ARHGEF9: variants seen among roughly 807,000 people sequenced by gnomAD.
ARHGEF9 encodes rho guanine nucleotide exchange factor 9.
Under a neutral mutation model 41.3 loss-of-function variants are expected in ARHGEF9, and 2 were observed. The ratio of observed to expected loss-of-function variants is 0.05; its 90% CI spans 0.02 to 0.15. The LOEUF (loss-of-function observed/expected upper bound fraction) is 0.15. ARHGEF9 is among the 10% of genes least tolerant of loss of function. ARHGEF9 has a pLI of 1.00. For synonymous variants in ARHGEF9, 160 were observed against 154.4 expected (o/e 1.04, Z -0.27); for missense variants, 225 against 424.7 (o/e 0.53, Z 4.13).
At chrX:63,679,318 A>G (rs1319289542) in intron 4 of ARHGEF9, among the ~76,000 whole-genome samples, 1 of 111,630 alleles carries the variant, frequency 9.0e-6, no homozygotes, top group Non-Finnish European at 1.9e-5. Flanking sequence ...CAACCTTTCC[A>G]TAAGTTTGAA....
At chrX:63,762,194 A>G (rs1394970785) in intron 1 of ARHGEF9, among the ~76,000 whole-genome samples, 1 of 111,939 alleles carries the variant, frequency 8.9e-6, no homozygotes, top group East Asian at 2.8e-4. Context: ...TTTGTTTACA[A>G]GCTTTATTTG....
chrX:63,674,869 T>C (rs1475920805), intron 5 of ARHGEF9, among the ~76,000 whole-genome samples: 1 of 111,633 alleles, frequency 9.0e-6, no homozygotes, highest in Non-Finnish European at 1.9e-5. Context: ...AGTGATTTCC[T>C]TGAAATGCAT....
rs782329595 is a variant in ARHGEF9, at chrX:63,770,861, A to G, written c.30+14255T>C. 4.4e-5 allele frequency among the ~76,000 whole-genome samples: 5 copies of G among 112,409 alleles called. No homozygotes were observed. The East Asian group carries it at 1.4e-3, about 31-fold the overall frequency. ...AACTTGCTCCTCCTTGCCTTCTGCC[A>G]TAATTGTGAGGCTTCCCCAGGCATG... On this transcript the variant is annotated intron_variant, in intron 1 of 9. Transcript: ENST00000671741.
chrX:63,754,530 G>A, intron 1 of ARHGEF9: 5 of 1,093,051 alleles, frequency 4.6e-6, no homozygotes, highest in Non-Finnish European at 5.9e-6. Flanking sequence ...TGACAAGCAG[G>A]AGGACTACAA....
At chrX:63,638,703 C>T in intron 9 of ARHGEF9, 1 of 301,146 alleles carries the variant, frequency 3.3e-6, no homozygotes, top group Admixed American at 5.7e-5. Context: ...CTATTGACTT[C>T]AGGACAGGTT....
intron 1 of ARHGEF9, among the ~76,000 whole-genome samples, chrX:63,736,209 C>A (rs183725259): frequency 2.7e-5 from 3 of 111,724 alleles, no homozygotes; most frequent in Non-Finnish European, 3.8e-5. Context: ...ATCAGACACA[C>A]CCTCAAAGCT....
intron 2 of ARHGEF9, among the ~76,000 whole-genome samples, chrX:63,720,378 C>T (rs2053569954): frequency 8.9e-6 from 1 of 111,984 alleles, no homozygotes; most frequent in Non-Finnish European, 1.9e-5. Flanking sequence ...TGGACAACCA[C>T]AGCCCTCAAC....
In ARHGEF9 at chrX:63,733,684, T is replaced by C. The variant is rs782740523; in HGVS notation, c.31-8973A>G. 6.2e-5 allele frequency among the ~76,000 whole-genome samples: 7 copies of C among 112,180 alleles called. No individual in the cohort carries two copies. The East Asian group carries it at 1.4e-3, about 22-fold the overall frequency. ...TGTGTGATTTGTGAGTCATTACACA[T>C]CAGTTTCCTTCAATATCCCATTATA... On this transcript the variant is annotated intron_variant, in intron 1 of 9. Transcript: ENST00000671741.
chrX:63,715,825 G>T (rs187261614), intron 2 of ARHGEF9, among the ~76,000 whole-genome samples: 303 of 112,123 alleles, frequency 2.7e-3, no homozygotes, highest in African/African-American at 9.4e-3. Flanking sequence ...ACTGAGAGGA[G>T]AGAGGAGTGA....
rs140099807 is a variant in ARHGEF9, at chrX:63,703,480, C to T, written c.402+2778G>A. On this transcript the variant is annotated intron_variant, in intron 3 of 9. Coordinates refer to ENST00000671741, the MANE Select transcript of ARHGEF9 (RefSeq NM_001353921.2). ...AGGAATAACAATAACAACTTTTGTC[C>T]TGTTTGAAGATCAAATGACATATGA... is the stretch of plus-strand genomic sequence containing the variant. Among the ~76,000 whole-genome samples the T allele has an allele frequency of 7.2e-4, 81 of 112,322 alleles. No individual in the cohort carries two copies. The East Asian group carries it at 0.022, about 30-fold the overall frequency.
intron 3 of ARHGEF9, among the ~76,000 whole-genome samples, chrX:63,698,270 G>A (rs1184287896): frequency 1.8e-5 from 2 of 109,470 alleles, no homozygotes; most frequent in Non-Finnish European, 3.8e-5. Flanking sequence ...AACCACTGAT[G>A]AAAGAGAAAA....
chrX:63,747,870 A>T (rs1275329524), intron 1 of ARHGEF9, among the ~76,000 whole-genome samples: 1 of 112,633 alleles, frequency 8.9e-6, no homozygotes, highest in Non-Finnish European at 1.9e-5. Flanking sequence ...CACAGAAACT[A>T]CAGTTGTAGT....
At chrX:63,728,241 G>T (rs1370815284) in intron 1 of ARHGEF9, among the ~76,000 whole-genome samples, 3 of 112,431 alleles carry the variant, frequency 2.7e-5, no homozygotes, top group African/African-American at 9.7e-5. Context: ...TTTGTGTACA[G>T]AATTAACTTT....
intron 4 of ARHGEF9, among the ~76,000 whole-genome samples, chrX:63,680,453 A>C (rs1251388604): frequency 8.9e-6 from 1 of 112,264 alleles, no homozygotes. Context: ...GCTTTATGGG[A>C]CACTGCCCTA....
At chrX:63,713,244 T>C (rs1463113680) in intron 2 of ARHGEF9, 1 of 111,280 alleles carries the variant, frequency 9.0e-6, no homozygotes, top group Non-Finnish European at 1.9e-5. Flanking sequence ...GCCAGTCTTA[T>C]TGAACAATAG....
intron 1 of ARHGEF9, among the ~76,000 whole-genome samples, chrX:63,748,661 T>C (rs2055420242): frequency 9.0e-6 from 1 of 111,617 alleles, no homozygotes; most frequent in Non-Finnish European, 1.9e-5. Flanking sequence ...CTTAGGGAAC[T>C]TTAAATTAAA....
At chrX:63,774,365 A>G (rs1360508676) in intron 1 of ARHGEF9, among the ~76,000 whole-genome samples, 4 of 111,325 alleles carry the variant, frequency 3.6e-5, no homozygotes, top group Non-Finnish European at 5.7e-5. Context: ...ATATCTGTGT[A>G]ATTTGCCTCT....
intron 5 of ARHGEF9, among the ~76,000 whole-genome samples, chrX:63,676,941 A>G (rs2050295876): frequency 8.9e-6 from 1 of 112,411 alleles, no homozygotes; most frequent in Non-Finnish European, 1.9e-5. Context: ...AGAAAGTTCT[A>G]CTGGGCAGTC....
intron 7 of ARHGEF9, among the ~76,000 whole-genome samples, chrX:63,659,470 G>T (rs1556339373): frequency 8.9e-6 from 1 of 111,893 alleles, no homozygotes; most frequent in Non-Finnish European, 1.9e-5. Flanking sequence ...GACATTAAGG[G>T]AGCTAGTTCC....
Sources: gnomAD v4.1 joint callset for allele counts (sites outside exome capture counted in the v4.1 genomes callset) on GRCh38, gnomAD v4.1.1 for gene constraint, MANE v1.5 for transcripts, NCBI Gene and HGNC (gene_info 2026-07-23, HGNC 2026-07-21) for gene names.